CORO2B: variants seen among roughly 807,000 people sequenced by gnomAD.
CORO2B encodes the protein coronin-2B.
Under a neutral mutation model 58.8 loss-of-function variants are expected in CORO2B, and 26 were observed. The observed-to-expected ratio is 0.44, with a 90% CI of 0.32 to 0.61. The LOEUF (loss-of-function observed/expected upper bound fraction) is 0.61, where lower values mean the gene tolerates loss of function less well. Ranked by LOEUF, CORO2B falls within the 20% of genes least tolerant of loss-of-function variation. The pLI, the probability that CORO2B is intolerant of heterozygous loss-of-function variation, is 0.04. For missense variants in CORO2B, 460 were observed against 645.1 expected (o/e 0.71, Z 3.11); for synonymous variants, 242 against 253.8 (o/e 0.95, Z 0.44).
intron 1 of CORO2B, among the ~76,000 whole-genome samples, chr15:68,623,762 G>A (rs569945395): frequency 3.3e-5 from 5 of 152,308 alleles, no homozygotes; most frequent in Admixed American, 6.5e-5. Flanking sequence ...GCTGGATCAC[G>A]GCTGCTGGGT....
chr15:68,575,000 C>T (rs746017268), upstream of CORO2B, among the ~76,000 whole-genome samples: 20 of 152,204 alleles, frequency 1.3e-4, no homozygotes, highest in Non-Finnish European at 2.4e-4. Flanking sequence ...ACCGTATCCC[C>T]TCAGGCTACC....
chr15:68,561,163 T>G, the CORO2B span, among the ~76,000 whole-genome samples: 1 of 152,132 alleles, frequency 6.6e-6, no homozygotes, highest in East Asian at 1.9e-4. Context: ...GAGGGTTTTT[T>G]TCCAGAATCT....
the CORO2B span, among the ~76,000 whole-genome samples, chr15:68,542,111 T>G: frequency 4.6e-5 from 7 of 152,224 alleles, no homozygotes; most frequent in African/African-American, 1.7e-4. Flanking sequence ...GTGTTTCATA[T>G]TTTTAGTTGT....
At chr15:68,558,112 A>G in the CORO2B span, among the ~76,000 whole-genome samples, 1 of 152,128 alleles carries the variant, frequency 6.6e-6, no homozygotes, top group Non-Finnish European at 1.5e-5. Context: ...AGGCTTCAGT[A>G]GGGCTGAGTC....
chr15:68,720,151 G>A (rs1479499234), intron 11 of CORO2B, among the ~76,000 whole-genome samples: 1 of 152,172 alleles, frequency 6.6e-6, no homozygotes. Flanking sequence ...CAGACATAAG[G>A]CCTGATACAA....
intron 2 of CORO2B, among the ~76,000 whole-genome samples, chr15:68,662,006 CAATAAATA>C (rs201951631): frequency 6.6e-6 from 1 of 151,084 alleles, no homozygotes; most frequent in South Asian, 2.1e-4. Flanking sequence ...GACCCTGTCT[CAATAAATA>C]AATAAATAAA....
rs147873341 is a variant in CORO2B, at chr15:68,633,514, T to TACACACACACACACACACAC, written c.16-11633_16-11614dup. Among the ~76,000 whole-genome samples the TACACACACACACACACACAC allele has an allele frequency of 7.1e-4, 102 of 144,084 alleles. 1 individual carries two copies. Among genetic ancestry groups the TACACACACACACACACACAC allele is most frequent in the African/African-American group, 2.5e-3 (98 of 38,740 alleles). 94.5% of individuals were successfully genotyped at this position (144,084 alleles called of 152,430 possible). A position where few individuals can be genotyped will look rare whatever the true frequency, so the allele number is the denominator to read the frequency against. ...CCAAGAGGAAATGGTTACTCCAACA[T>TACACACACACACACACACAC]ACACACACACACACACACACACACA... On this transcript the variant is annotated intron_variant, in intron 1 of 11. Transcript: ENST00000261861.
chr15:68,687,009 G>C (rs941614333), intron 2 of CORO2B, among the ~76,000 whole-genome samples: 1 of 152,178 alleles, frequency 6.6e-6, no homozygotes, highest in African/African-American at 2.4e-5. Flanking sequence ...CTTCTTCACA[G>C]TTGTTCTGGC....
intron 11 of CORO2B, among the ~76,000 whole-genome samples, chr15:68,723,008 A>G (rs1387774064): frequency 1.3e-5 from 2 of 152,018 alleles, no homozygotes; most frequent in African/African-American, 4.8e-5. Flanking sequence ...CAGAGGTTGC[A>G]GTGAGCGGAT....
At chr15:68,597,783 C>T (rs1595959164) in intron 1 of CORO2B, among the ~76,000 whole-genome samples, 1 of 152,180 alleles carries the variant, frequency 6.6e-6, no homozygotes, top group Non-Finnish European at 1.5e-5. Context: ...CCATCCTTGT[C>T]CCTCTCCCAG....
the CORO2B span, among the ~76,000 whole-genome samples, chr15:68,549,084 CT>C: frequency 6.6e-6 from 1 of 152,002 alleles, no homozygotes; most frequent in Admixed American, 6.6e-5. Context: ...TAATTTTTTT[CT>C]TATTACGTGA....
chr15:68,592,672 ATTTG>A (rs1173341678), intron 1 of CORO2B, among the ~76,000 whole-genome samples: 8 of 152,086 alleles, frequency 5.3e-5, no homozygotes, highest in African/African-American at 1.9e-4. Context: ...CTCTATAAAT[ATTTG>A]TTTGTGCTCC....
At chr15:68,629,083 G>T (rs890690151) in intron 1 of CORO2B, among the ~76,000 whole-genome samples, 2 of 152,280 alleles carry the variant, frequency 1.3e-5, no homozygotes, top group African/African-American at 4.8e-5. Flanking sequence ...AGCAAGGTCT[G>T]CTGGGGGAGC....
chr15:68,608,769 C>T (rs886190798), intron 1 of CORO2B, among the ~76,000 whole-genome samples: 4 of 152,180 alleles, frequency 2.6e-5, no homozygotes, highest in African/African-American at 9.7e-5. Flanking sequence ...AATGCCCTTT[C>T]TCAGGCTTCC....
the CORO2B span, among the ~76,000 whole-genome samples, chr15:68,538,325 A>G: frequency 6.6e-6 from 1 of 152,222 alleles, no homozygotes; most frequent in African/African-American, 2.4e-5. Context: ...AAAATAATGT[A>G]TATTTTCAAA....
At chr15:68,544,741 T>C in the CORO2B span, among the ~76,000 whole-genome samples, 1 of 151,962 alleles carries the variant, frequency 6.6e-6, no homozygotes, top group Non-Finnish European at 1.5e-5. Context: ...TCTGCCTTCA[T>C]AGCCAATCTG....
chr15:68,569,043 T>C, the CORO2B span, among the ~76,000 whole-genome samples: 1 of 152,158 alleles, frequency 6.6e-6, no homozygotes, highest in African/African-American at 2.4e-5. Flanking sequence ...AGTTCCCATA[T>C]GCCCCCTGCT....
chr15:68,694,255 A>G (rs538050510), intron 2 of CORO2B, among the ~76,000 whole-genome samples: 21 of 152,364 alleles, frequency 1.4e-4, no homozygotes, highest in Non-Finnish European at 2.2e-4. Context: ...CTGTACAATA[A>G]TAAGTGCTGT....
chr15:68,654,195 G>A (rs1161015875), intron 2 of CORO2B, among the ~76,000 whole-genome samples: 1 of 152,204 alleles, frequency 6.6e-6, no homozygotes, highest in Non-Finnish European at 1.5e-5. Flanking sequence ...GAAAGTGAAG[G>A]CGAGCCCTTC....
Sources: allele counts gnomAD v4.1 joint callset (sites outside exome capture counted in the v4.1 genomes callset), GRCh38; gene constraint gnomAD v4.1.1; transcripts MANE v1.5; gene names NCBI Gene and HGNC (gene_info 2026-07-23, HGNC 2026-07-21).